Variants in ARHGAP6 observed in about 807,000 individuals in gnomAD.
The protein encoded by ARHGAP6 is Rho GTPase activating protein 6.
A neutral mutation model predicts 55.7 loss-of-function variants in ARHGAP6; 16 were observed. That is an observed-to-expected ratio of 0.29 (90% CI 0.19 to 0.44). ARHGAP6 has a LOEUF of 0.44. Ranked by LOEUF, ARHGAP6 falls within the 20% of genes least tolerant of loss-of-function variation. The pLI, the probability that ARHGAP6 is intolerant of heterozygous loss-of-function variation, is 1.00. For synonymous variants in ARHGAP6, 382 were observed against 360.9 expected (o/e 1.06, Z -0.66); for missense variants, 698 against 808.9 (o/e 0.86, Z 1.66).
chrX:11,289,489 C>T (rs1407557401), intron 1 of ARHGAP6, among the ~76,000 whole-genome samples: 2 of 111,292 alleles, frequency 1.8e-5, no homozygotes, highest in African/African-American at 3.3e-5. Flanking sequence ...CGAATATCTC[C>T]CCAAATGGAG....
intron 1 of ARHGAP6, among the ~76,000 whole-genome samples, chrX:11,306,094 ATCT>A (rs1186793259): frequency 1.8e-5 from 2 of 111,379 alleles, no homozygotes; most frequent in South Asian, 3.8e-4. Context: ...TCTTCTAGAA[ATCT>A]TCTCTCACTG....
At chrX:11,391,044 G>A (rs1037605032) in intron 1 of ARHGAP6, among the ~76,000 whole-genome samples, 3 of 112,143 alleles carry the variant, frequency 2.7e-5, no homozygotes, top group African/African-American at 9.7e-5. Flanking sequence ...ATTCACAATA[G>A]CAAAGACTTG....
intron 1 of ARHGAP6, among the ~76,000 whole-genome samples, chrX:11,533,331 A>C (rs1181545677): frequency 1.8e-5 from 2 of 111,892 alleles, no homozygotes; most frequent in African/African-American, 3.3e-5. Flanking sequence ...ACTAGGTGGC[A>C]CTTAAGATCC....
chrX:11,636,690 T>G (rs756725264), intron 1 of ARHGAP6, among the ~76,000 whole-genome samples: 4 of 112,001 alleles, frequency 3.6e-5, no homozygotes, highest in Non-Finnish European at 7.5e-5. Context: ...AATTAAATGA[T>G]TTGCTTGTTT....
intron 1 of ARHGAP6, among the ~76,000 whole-genome samples, chrX:11,568,468 A>G (rs1394404393): frequency 1.8e-5 from 2 of 112,695 alleles, no homozygotes; most frequent in South Asian, 7.3e-4. Context: ...TGCAACTGGT[A>G]GTAATAGAAA....
intron 1 of ARHGAP6, among the ~76,000 whole-genome samples, chrX:11,276,493 G>C (rs1289271228): frequency 1.3e-4 from 15 of 111,810 alleles, no homozygotes; most frequent in Admixed American, 3.8e-4. Flanking sequence ...TTTTAAAGTA[G>C]CTAAAATCAC....
intron 12 of ARHGAP6, 83 bp downstream of exon 12, chrX:11,142,150 G>C: frequency 1.6e-6 from 1 of 637,041 alleles, no homozygotes; most frequent in Non-Finnish European, 2.3e-6. Flanking sequence ...TGTTTGACAA[G>C]CATGTAATAT....
intron 1 of ARHGAP6, among the ~76,000 whole-genome samples, chrX:11,277,001 C>T (rs776461392): frequency 3.0e-3 from 331 of 111,157 alleles, no homozygotes; most frequent in Non-Finnish European, 3.4e-3. Flanking sequence ...TTTCATCACA[C>T]CAAAAGGAAA....
At chrX:11,375,579 G>A (rs1318571149) in intron 1 of ARHGAP6, among the ~76,000 whole-genome samples, 1 of 111,682 alleles carries the variant, frequency 9.0e-6, no homozygotes, top group Non-Finnish European at 1.9e-5. Flanking sequence ...ATTTTAGCAG[G>A]AGCTCCAAAA....
intron 12 of ARHGAP6, among the ~76,000 whole-genome samples, chrX:11,140,483 C>A (rs894829392): frequency 4.5e-5 from 5 of 110,194 alleles, no homozygotes; most frequent in South Asian, 7.9e-4. Flanking sequence ...CTTTGCTTTC[C>A]CCCTTCCCTT....
intron 8 of ARHGAP6, among the ~76,000 whole-genome samples, chrX:11,172,829 G>A (rs981512626): frequency 9.0e-6 from 1 of 111,387 alleles, no homozygotes; most frequent in African/African-American, 3.3e-5. Flanking sequence ...GTAATACAAC[G>A]TACACTCGAG....
At chrX:11,331,974 T>A (rs1477005835) in intron 1 of ARHGAP6, among the ~76,000 whole-genome samples, 1 of 112,203 alleles carries the variant, frequency 8.9e-6, no homozygotes, top group South Asian at 3.7e-4. Flanking sequence ...ACTAACAAAA[T>A]GGGGCATATT....
chrX:11,537,059 T>C (rs1362758254), intron 1 of ARHGAP6, among the ~76,000 whole-genome samples: 1 of 112,424 alleles, frequency 8.9e-6, no homozygotes, highest in South Asian at 3.7e-4. Flanking sequence ...TGTTCTCTTC[T>C]TCTGTCACAG....
chrX:11,579,967 G>A (rs1005381771), intron 1 of ARHGAP6, among the ~76,000 whole-genome samples: 3 of 111,080 alleles, frequency 2.7e-5, no homozygotes, highest in Non-Finnish European at 5.7e-5. Context: ...TCATTTTCTG[G>A]GCTCATATTT....
In ARHGAP6 at chrX:11,174,556, TCCTTCCTTCC is replaced by T. The variant is rs2046145884; in HGVS notation, c.1629+3534_1629+3543del. 3.6e-5 allele frequency among the ~76,000 whole-genome samples: 3 copies of T among 83,856 alleles called. No individual in the cohort carries two copies. In the South Asian group the frequency reaches 2.1e-3, roughly 58 times the overall value. The allele number at this position is 83,856 out of a possible 115,157, so 72.8% of individuals were successfully genotyped here. A position where few individuals can be genotyped will look rare whatever the true frequency, so the allele number is the denominator to read the frequency against. On this transcript the variant is annotated intron_variant, in intron 8 of 12. Coordinates refer to ENST00000337414, the MANE Select transcript of ARHGAP6 (RefSeq NM_013427.3). The stretch of plus-strand genomic sequence containing the variant: ...TTCCTTCCTTCCTTCCTTCCTTCCT[TCCTTCCTTCC>T]TTCCTTCCTTTCTTTCTTTCTTTCT...
At chrX:11,200,359 G>T (rs1379941532) in intron 2 of ARHGAP6, among the ~76,000 whole-genome samples, 1 of 112,069 alleles carries the variant, frequency 8.9e-6, no homozygotes, top group East Asian at 2.8e-4. Context: ...GTGTCAAGAG[G>T]AAACCATGTC....
chrX:11,572,538 A>G (rs1206171539), intron 1 of ARHGAP6, among the ~76,000 whole-genome samples: 47 of 111,492 alleles, frequency 4.2e-4, no homozygotes, highest in African/African-American at 1.5e-3. Context: ...TTATGGCTGC[A>G]TAGTATTCCA....
intron 1 of ARHGAP6, among the ~76,000 whole-genome samples, chrX:11,368,944 C>T (rs2147705466): frequency 8.9e-6 from 1 of 111,975 alleles, no homozygotes; most frequent in South Asian, 3.8e-4. Context: ...CCAAGTAAGA[C>T]TTAGGTGCCC....
At chrX:11,495,032 G>A (rs569664645) in intron 1 of ARHGAP6, among the ~76,000 whole-genome samples, 3 of 111,929 alleles carry the variant, frequency 2.7e-5, no homozygotes, top group African/African-American at 9.7e-5. Flanking sequence ...AATCATATCA[G>A]TAATAGAGAA....
Sources: gnomAD v4.1 joint callset for allele counts (sites outside exome capture counted in the v4.1 genomes callset) on GRCh38, gnomAD v4.1.1 for gene constraint, MANE v1.5 for transcripts, NCBI Gene and HGNC (gene_info 2026-07-23, HGNC 2026-07-21) for gene names.